The following MACF1 variants were observed in gnomAD, a reference collection of about 807,000 sequenced individuals.
The protein encoded by MACF1 is microtubule-actin cross-linking factor 1.
MACF1 carries 193 observed loss-of-function variants against 854.8 expected under a neutral mutation model. The ratio of observed to expected loss-of-function variants is 0.23; its 90% CI spans 0.20 to 0.25. MACF1 has a LOEUF of 0.25. Among genes scored for constraint, MACF1 ranks in the 10% least tolerant of loss-of-function variants. MACF1 has a pLI of 1.00. For synonymous variants in MACF1, 3,185 were observed against 3,226.7 expected (o/e 0.99, Z 0.44); for missense variants, 7,722 against 8,929.1 (o/e 0.86, Z 5.45).
At position 39,428,940 on chromosome 1, in the gene MACF1, A is replaced by G. The variant is rs953799395; in HGVS notation, c.16804-302A>G. Among the ~76,000 whole-genome samples, 4 of 152,250 alleles carry G rather than the reference A, an allele frequency of 2.6e-5. 1 individual carries two copies. The highest frequency in any genetic ancestry group is 4.8e-5 in the African/African-American group (2 of 41,530). ...TTCCTTATTTTGGACACAGTAGACA[A>G]TTTTGCTCAATTTCACTTCTGCCTT... On this transcript the variant is annotated intron_variant, in intron 63 of 100. Coordinates refer to ENST00000564288, the MANE Select transcript of MACF1 (RefSeq NM_001394062.1).
At chr1:39,173,750 G>A (rs995789082) in intron 2 of MACF1, among the ~76,000 whole-genome samples, 2 of 152,168 alleles carry the variant, frequency 1.3e-5, no homozygotes, top group Non-Finnish European at 2.9e-5. Context: ...GCTTTACTGA[G>A]TGGGATACAA....
Position 39,409,082 on chromosome 1 carries a change from CAGCGAGCT to C in MACF1, c.15817-13279_15817-13272del, listed in dbSNP as rs1003494287. Among the ~76,000 whole-genome samples, 108 of 151,938 alleles carry C rather than the reference CAGCGAGCT, an allele frequency of 7.1e-4. No homozygotes were observed. The highest frequency in any genetic ancestry group is 1.8e-3 in the African/African-American group (76 of 41,454). ...GAGCCGCCCGCCAGCCGAGCACTTC[CAGCGAGCT>C]AGCGAGCTAGCGGGTCGCGCTGCGC... On this transcript the variant is annotated intron_variant, in intron 58 of 100. Coordinates refer to ENST00000564288, the MANE Select transcript of MACF1 (RefSeq NM_001394062.1). The surrounding 1 kb of genome is among the most constrained non-coding windows in gnomAD (Gnocchi z 4.2).
At chr1:39,179,135 T>C (rs1236191989) in intron 2 of MACF1, among the ~76,000 whole-genome samples, 1 of 152,274 alleles carries the variant, frequency 6.6e-6, no homozygotes, top group Non-Finnish European at 1.5e-5. Flanking sequence ...CAGGGCTGCC[T>C]GCCCTTATTC....
At position 39,282,028 on chromosome 1, in the gene MACF1, C is replaced by T. The variant is rs183946835; in HGVS notation, c.529-180C>T. 3.9e-5 allele frequency among the ~76,000 whole-genome samples: 6 copies of T among 152,252 alleles called. No individual in the cohort carries two copies. The East Asian group carries it at 1.2e-3, about 29-fold the overall frequency. On this transcript the variant is annotated intron_variant, in intron 6 of 100. Transcript: ENST00000564288. ...GTTTGATAGGTGAAAAATTACCTCTCATGGTTTTAATTTGCATTTATTTGA... is the reference window on the plus strand; with the variant it reads ...GTTTGATAGGTGAAAAATTACCTCTTATGGTTTTAATTTGCATTTATTTGA...
At chr1:39,145,624 G>C (rs577694565) in intron 2 of MACF1, among the ~76,000 whole-genome samples, 1 of 152,172 alleles carries the variant, frequency 6.6e-6, no homozygotes, top group Non-Finnish European at 1.5e-5. Context: ...CCAATGAAAG[G>C]CTCTTGTTTG....
chr1:39,119,338 AC>A lies in MACF1; in HGVS notation c.220+34901del, dbSNP rs368398018. ...GTCTCAAAAAAAAAAAAAAAAAAAA[AC>A]AACCAGAAAAACAAACAAGTGTTAT... is the stretch of plus-strand genomic sequence containing the variant. On this transcript the variant is annotated intron_variant, in intron 2 of 93. Transcript: ENST00000361689. Among the ~76,000 whole-genome samples the A allele has an allele frequency of 8.4e-3, 1,218 of 144,714 alleles. 12 individuals are homozygous for A. Among genetic ancestry groups the A allele is most frequent in the African/African-American group, 0.023 (877 of 38,714 alleles). The allele number at this position is 144,714 out of a possible 152,430, so 94.9% of individuals were successfully genotyped here. A position where few individuals can be genotyped will look rare whatever the true frequency, so the allele number is the denominator to read the frequency against.
intron 1 of MACF1, among the ~76,000 whole-genome samples, chr1:39,208,132 CAAAA>C (rs1192716249): frequency 1.1e-4 from 9 of 80,578 alleles, no homozygotes; most frequent in African/African-American, 4.2e-4. Context: ...GAGTCCGTCT[CAAAA>C]AAAAAAAAAA....
chr1:39,364,943 A>G (rs1648560030), intron 49 of MACF1, among the ~76,000 whole-genome samples: 1 of 152,046 alleles, frequency 6.6e-6, no homozygotes, highest in African/African-American at 2.4e-5. Context: ...ATTTTTTTTT[A>G]CATTTGAATC....
chr1:39,091,102 G>A (rs1641791305), intron 2 of MACF1, among the ~76,000 whole-genome samples: 1 of 152,210 alleles, frequency 6.6e-6, no homozygotes, highest in African/African-American at 2.4e-5. Flanking sequence ...ATAACTTGAA[G>A]GGTGATGATT....
chr1:39,478,954 A>G (rs890514864), intron 97 of MACF1, among the ~76,000 whole-genome samples: 8 of 152,228 alleles, frequency 5.3e-5, no homozygotes, highest in African/African-American at 1.9e-4. Flanking sequence ...AACATATTCC[A>G]GAGGGATTAT....
intron 97 of MACF1, among the ~76,000 whole-genome samples, chr1:39,473,281 A>G (rs1349607214): frequency 2.6e-5 from 4 of 152,222 alleles, no homozygotes; most frequent in Non-Finnish European, 5.9e-5. Context: ...TGGGGCTAAC[A>G]GGGTCATGAT....
At chr1:39,281,311 C>A (rs1320030728) in intron 6 of MACF1, among the ~76,000 whole-genome samples, 9 of 152,060 alleles carry the variant, frequency 5.9e-5, no homozygotes, top group Admixed American at 5.9e-4. Flanking sequence ...GTATTTGCAC[C>A]TGTATTGCAT....
intron 23 of MACF1, among the ~76,000 whole-genome samples, chr1:39,308,761 T>C (rs1486287546): frequency 1.3e-5 from 2 of 152,090 alleles, no homozygotes; most frequent in African/African-American, 4.8e-5. Flanking sequence ...GTTCAAGCGA[T>C]TCTCCTGCCT....
At chr1:39,167,969 C>G (rs1057211472) in intron 2 of MACF1, among the ~76,000 whole-genome samples, 1 of 152,058 alleles carries the variant, frequency 6.6e-6, no homozygotes, top group Admixed American at 6.5e-5. Context: ...CCCCACAGCT[C>G]AAGTTCAGCT....
chr1:39,297,821 T>C (rs1455442089), intron 21 of MACF1, 76 bp downstream of exon 21: 2 of 1,555,358 alleles, frequency 1.3e-6, no homozygotes, highest in African/African-American at 1.4e-5. Flanking sequence ...GTTTATATCC[T>C]TGAAAGCTCC....
intron 93 of MACF1, among the ~76,000 whole-genome samples, chr1:39,462,376 G>T (rs1431406356): frequency 6.6e-6 from 1 of 152,092 alleles, no homozygotes; most frequent in Non-Finnish European, 1.5e-5. Flanking sequence ...ATGCTGCCTG[G>T]AATCTAGGGA....
At position 39,461,874 on chromosome 1, in the gene MACF1, T is replaced by G. The variant is rs1241330619; in HGVS notation, c.21524-9T>G. 6.2e-7 allele frequency: 1 copy of G among 1,611,416 alleles called. No homozygotes were observed. Among genetic ancestry groups the G allele is most frequent in the Non-Finnish European group, 8.5e-7 (1 of 1,178,832 alleles). ...CTTAATGTTTCAAAATATGATTCCTTTTCTCCAGAGTTCCCCACCACCAAG... is the reference window on the plus strand; with the variant it reads ...CTTAATGTTTCAAAATATGATTCCTGTTCTCCAGAGTTCCCCACCACCAAG... On this transcript the variant is annotated splice_polypyrimidine_tract_variant and intron_variant, in intron 92 of 100. Coordinates refer to ENST00000564288, the MANE Select transcript of MACF1 (RefSeq NM_001394062.1).
intron 1 of MACF1, among the ~76,000 whole-genome samples, chr1:39,219,635 C>T (rs1053061440): frequency 1.3e-5 from 2 of 152,166 alleles, no homozygotes; most frequent in Non-Finnish European, 2.9e-5. Flanking sequence ...TTCCTTTGCG[C>T]TTACATTGGG....
At position 39,250,085 on chromosome 1, in the gene MACF1, C is replaced by G. The variant is rs912226130; in HGVS notation, c.243C>G (p.Val81=). The G allele has an allele frequency of 2.1e-5, 34 of 1,612,788 alleles. No individual in the cohort carries two copies. The highest frequency in any genetic ancestry group is 3.3e-5 in the South Asian group (3 of 91,012). The change falls in exon 3 of 101, where the codon GTC becomes GTG. Residue 81 remains valine, a synonymous_variant. Transcript: ENST00000564288. Reference sequence around the variant, plus strand: ...ATAACCTGATCTCTCTGTTGGAGGTCCTCTCAGGCATCAAACTGGTGAGCT... The same window carrying G: ...ATAACCTGATCTCTCTGTTGGAGGTGCTCTCAGGCATCAAACTGGTGAGCT... ...DGHNLISLLE[V]LSGIKLEPAG... is the part of the protein sequence containing the mutation.
Sources: gnomAD v4.1 joint callset for allele counts (sites outside exome capture counted in the v4.1 genomes callset) on GRCh38, gnomAD v4.1.1 for gene constraint, Gnocchi (gnomAD v3.1) non-coding constraint, MANE v1.5 for transcripts, NCBI Gene and HGNC (gene_info 2026-07-23, HGNC 2026-07-21) for gene names.